Variants in MCHR2 observed in about 807,000 individuals in gnomAD.
MCHR2 encodes melanin concentrating hormone receptor 2, also known as melanin-concentrating hormone receptor 2.
In MCHR2, 15 loss-of-function variants were observed where a neutral mutation model predicts 24.8. The ratio of observed to expected loss-of-function variants is 0.60; its 90% CI spans 0.40 to 0.93. The LOEUF (loss-of-function observed/expected upper bound fraction) is 0.93, where lower values mean the gene tolerates loss of function less well. MCHR2 is among the 40% of genes least tolerant of loss of function. The pLI, the probability that MCHR2 is intolerant of heterozygous loss-of-function variation, is 0.00. For synonymous variants in MCHR2, 151 were observed against 147.6 expected (o/e 1.02, Z -0.17); for missense variants, 386 against 408.7 (o/e 0.94, Z 0.48).
rs1005952924 is a variant in MCHR2, at chr6:99,921,291, C to A, written c.708-36G>T. On this transcript the variant is annotated intron_variant, in intron 5 of 5. Transcript: ENST00000281806. ...AACATTCAGATAGACAGGGTATAAA[C>A]AACCATAGAAATTATGGGGCAATGT... 5.7e-6 allele frequency: 9 copies of A among 1,583,218 alleles called. No homozygotes were observed. In the African/African-American group the frequency reaches 1.1e-4, roughly 19 times the overall value.
chr6:99,968,639 A>T (rs979137303), intron 1 of MCHR2, among the ~76,000 whole-genome samples: 4 of 152,190 alleles, frequency 2.6e-5, no homozygotes, highest in Admixed American at 6.5e-5. Context: ...AAAGGATTTA[A>T]TCAACATTTA....
chr6:99,977,748 A>C (rs1775580984), intron 1 of MCHR2, among the ~76,000 whole-genome samples: 1 of 152,168 alleles, frequency 6.6e-6, no homozygotes, highest in African/African-American at 2.4e-5. Flanking sequence ...TTTAAAAAAA[A>C]GGTAGCAAAG....
intron 5 of MCHR2, among the ~76,000 whole-genome samples, chr6:99,922,761 T>C (rs1017787797): frequency 4.6e-5 from 7 of 152,200 alleles, no homozygotes; most frequent in Non-Finnish European, 1.0e-4. Flanking sequence ...TCTCTGTTAT[T>C]ATGCCAGTAC....
chr6:99,990,288 A>C (rs1374661642), intron 1 of MCHR2, among the ~76,000 whole-genome samples: 1 of 152,222 alleles, frequency 6.6e-6, no homozygotes, highest in Admixed American at 6.5e-5. Flanking sequence ...TTACATGCTT[A>C]ATACAAATCC....
intron 4 of MCHR2, among the ~76,000 whole-genome samples, chr6:99,939,273 A>G (rs539251768): frequency 1.2e-3 from 176 of 152,070 alleles, no homozygotes; most frequent in Middle Eastern, 6.8e-3. Flanking sequence ...TTTTCTTACT[A>G]TCTTCCTTTG....
At chr6:99,924,973 A>G (rs1349946961) in intron 5 of MCHR2, among the ~76,000 whole-genome samples, 1 of 152,072 alleles carries the variant, frequency 6.6e-6, no homozygotes, top group Non-Finnish European at 1.5e-5. Context: ...TGGCTGGAAG[A>G]TTTGTTCAAT....
intron 1 of MCHR2, among the ~76,000 whole-genome samples, chr6:99,978,372 A>G (rs1425729151): frequency 6.7e-6 from 1 of 149,232 alleles, no homozygotes; most frequent in Non-Finnish European, 1.5e-5. Flanking sequence ...CATTTCCTAC[A>G]CTTGCCCATC....
chr6:99,986,521 CA>C (rs1220931233), intron 1 of MCHR2, among the ~76,000 whole-genome samples: 2 of 152,046 alleles, frequency 1.3e-5, no homozygotes, highest in East Asian at 3.8e-4. Flanking sequence ...TCTTTTATGG[CA>C]ACATAGATGG....
chr6:99,983,471 A>G (rs571303064), intron 1 of MCHR2, among the ~76,000 whole-genome samples: 2 of 152,256 alleles, frequency 1.3e-5, no homozygotes, highest in South Asian at 4.2e-4. Context: ...CCTGCCCACT[A>G]CTGTGAACTT....
chr6:99,934,669 G>T (rs1774621077), intron 4 of MCHR2, 152 bp from the exon 5 acceptor site: 2 of 669,178 alleles, frequency 3.0e-6, no homozygotes, highest in Non-Finnish European at 4.5e-6. Flanking sequence ...AAGATCTTTG[G>T]TTGCTTTATT....
At chr6:99,971,264 G>C (rs1490337212) in intron 1 of MCHR2, among the ~76,000 whole-genome samples, 3 of 151,656 alleles carry the variant, frequency 2.0e-5, no homozygotes, top group East Asian at 1.9e-4. Flanking sequence ...TCTCCTTGAA[G>C]AGGTCCTTCA....
chr6:99,935,911 C>A (rs757591223), intron 4 of MCHR2, among the ~76,000 whole-genome samples: 3 of 151,890 alleles, frequency 2.0e-5, no homozygotes, highest in Non-Finnish European at 4.4e-5. Context: ...GAGATGATAT[C>A]TCCTTGTGGT....
At chr6:99,990,451 GA>G (rs1775852123) in intron 1 of MCHR2, among the ~76,000 whole-genome samples, 1 of 152,098 alleles carries the variant, frequency 6.6e-6, no homozygotes, top group Non-Finnish European at 1.5e-5. Flanking sequence ...CTTCAATGAT[GA>G]TCAGATAATC....
intron 1 of MCHR2, among the ~76,000 whole-genome samples, chr6:99,972,787 G>A (rs1373084906): frequency 8.6e-4 from 131 of 152,088 alleles, no homozygotes; most frequent in African/African-American, 2.6e-3. Context: ...GTTTCAAAGA[G>A]CATCTTTATT....
intron 5 of MCHR2, among the ~76,000 whole-genome samples, chr6:99,922,139 C>T (rs1353033497): frequency 6.9e-6 from 1 of 144,100 alleles, no homozygotes; most frequent in Non-Finnish European, 1.5e-5. Flanking sequence ...CGGAGTCTCG[C>T]TCTGTCGCCC....
intron 2 of MCHR2, among the ~76,000 whole-genome samples, chr6:99,954,020 G>A (rs2114538256): frequency 6.6e-6 from 1 of 152,206 alleles, no homozygotes; most frequent in African/African-American, 2.4e-5. Context: ...CCTTCTCGGG[G>A]TGACCTTCTC....
chr6:99,923,487 T>G (rs1774284049), intron 5 of MCHR2, among the ~76,000 whole-genome samples: 1 of 152,108 alleles, frequency 6.6e-6, no homozygotes, highest in Non-Finnish European at 1.5e-5. Context: ...AGGGAAGTCT[T>G]TTAGTTTTTT....
intron 1 of MCHR2, among the ~76,000 whole-genome samples, chr6:99,978,775 A>G (rs926867385): frequency 2.0e-5 from 3 of 152,114 alleles, no homozygotes; most frequent in African/African-American, 7.2e-5. Flanking sequence ...AGAGGATAGC[A>G]TGTTGGGGGT....
At chr6:99,972,629 T>C (rs1775450742) in intron 1 of MCHR2, among the ~76,000 whole-genome samples, 1 of 152,128 alleles carries the variant, frequency 6.6e-6, no homozygotes, top group Non-Finnish European at 1.5e-5. Flanking sequence ...GCTCTTGCTT[T>C]TCTAGTTCTT....
Sources: gnomAD v4.1 joint callset for allele counts (sites outside exome capture counted in the v4.1 genomes callset) on GRCh38, gnomAD v4.1.1 for gene constraint, MANE v1.5 for transcripts, NCBI Gene and HGNC (gene_info 2026-07-23, HGNC 2026-07-21) for gene names.